Variants in CDKAL1 observed in about 807,000 individuals in gnomAD.
The protein encoded by CDKAL1 is threonylcarbamoyladenosine tRNA methylthiotransferase.
A neutral mutation model predicts 68.2 loss-of-function variants in CDKAL1; 32 were observed. The observed-to-expected ratio is 0.47, with a 90% CI of 0.35 to 0.63. CDKAL1 has a LOEUF of 0.63. Among genes scored for constraint, CDKAL1 ranks in the 30% least tolerant of loss-of-function variants. The pLI, the probability that CDKAL1 is intolerant of heterozygous loss-of-function variation, is 0.00. For missense variants in CDKAL1, 606 were observed against 696.7 expected (o/e 0.87, Z 1.47); for synonymous variants, 234 against 244.3 (o/e 0.96, Z 0.39).
intron 10 of CDKAL1, among the ~76,000 whole-genome samples, chr6:20,985,900 T>G (rs1376380194): frequency 6.6e-6 from 1 of 152,228 alleles, no homozygotes; most frequent in Non-Finnish European, 1.5e-5. Flanking sequence ...TTTTACCTTC[T>G]TTCTCATTTT....
At chr6:20,840,702 A>G (rs1581680544) in intron 8 of CDKAL1, among the ~76,000 whole-genome samples, 1 of 152,232 alleles carries the variant, frequency 6.6e-6, no homozygotes, top group Non-Finnish European at 1.5e-5. Flanking sequence ...CTTGACAAAC[A>G]GGTATTATGT....
chr6:21,122,618 T>A (rs1774779732), intron 13 of CDKAL1, among the ~76,000 whole-genome samples: 1 of 121,654 alleles, frequency 8.2e-6, no homozygotes, highest in Non-Finnish European at 1.7e-5. Context: ...TTTGTTACTG[T>A]ATTTTATTTA....
chr6:20,939,944 T>A (rs570897527), intron 9 of CDKAL1, among the ~76,000 whole-genome samples: 1 of 152,208 alleles, frequency 6.6e-6, no homozygotes, highest in African/African-American at 2.4e-5. Context: ...TAGAAGCAAT[T>A]TGTAGATAGA....
chr6:20,660,912 T>A (rs7774594), intron 5 of CDKAL1, among the ~76,000 whole-genome samples: 60,136 of 151,898 alleles, frequency 0.4, 13,034 homozygotes, highest in African/African-American at 0.58. Context: ...ACATTTGAGT[T>A]TCAAATTGTC....
chr6:20,671,932 T>C (rs1484641310), intron 5 of CDKAL1, among the ~76,000 whole-genome samples: 2 of 152,168 alleles, frequency 1.3e-5, no homozygotes, highest in East Asian at 3.9e-4. Flanking sequence ...ACTAAAAATT[T>C]AGTCTTTACC....
chr6:20,676,267 A>G (rs1770091380), intron 5 of CDKAL1, among the ~76,000 whole-genome samples: 1 of 152,116 alleles, frequency 6.6e-6, no homozygotes, highest in Non-Finnish European at 1.5e-5. Context: ...TTTTAGTGTT[A>G]TGTCCTAGGC....
intron 8 of CDKAL1, among the ~76,000 whole-genome samples, chr6:20,817,555 A>G (rs1433915780): frequency 6.6e-6 from 1 of 152,216 alleles, no homozygotes; most frequent in Non-Finnish European, 1.5e-5. Context: ...ATCATGTGCC[A>G]TGAACACAAT....
At position 20,649,414 on chromosome 6, in the gene CDKAL1, C is replaced by A; in HGVS notation, c.371+37C>A. 4.3e-6 allele frequency: 5 copies of A among 1,175,108 alleles called. No homozygotes were observed. In the South Asian group the frequency reaches 5.3e-5, roughly 13 times the overall value. 72.8% of individuals were successfully genotyped at this position (1,175,108 alleles called of 1,614,324 possible). A position where few individuals can be genotyped will look rare whatever the true frequency, so the allele number is the denominator to read the frequency against. ...TTGATTTTTTCCTATTTTGTATAAT[C>A]AAAGTAAGAATTGATACCAAAAGAT... On this transcript the variant is annotated intron_variant, in intron 5 of 15. Coordinates refer to ENST00000274695, the MANE Select transcript of CDKAL1 (RefSeq NM_017774.3).
intron 11 of CDKAL1, among the ~76,000 whole-genome samples, chr6:21,039,880 G>A (rs1466314748): frequency 1.3e-5 from 2 of 152,164 alleles, no homozygotes; most frequent in African/African-American, 4.8e-5. Context: ...ATGCATGACA[G>A]TTTTAATGTT....
At chr6:20,931,214 A>G (rs1359927574) in intron 9 of CDKAL1, among the ~76,000 whole-genome samples, 1 of 152,162 alleles carries the variant, frequency 6.6e-6, no homozygotes, top group Non-Finnish European at 1.5e-5. Flanking sequence ...ATTTAATGAT[A>G]TATATGCAAT....
At chr6:21,165,072 C>T (rs921143613) in intron 13 of CDKAL1, among the ~76,000 whole-genome samples, 2 of 152,254 alleles carry the variant, frequency 1.3e-5, no homozygotes, top group African/African-American at 4.8e-5. Flanking sequence ...GAATAAACTT[C>T]CTTCCTGGCC....
chr6:20,708,466 A>G (rs1490058586), intron 5 of CDKAL1, among the ~76,000 whole-genome samples: 1 of 152,200 alleles, frequency 6.6e-6, no homozygotes, highest in Non-Finnish European at 1.5e-5. Flanking sequence ...ATTTAGCTCA[A>G]CCCTGGAATG....
chr6:21,076,402 T>C (rs941862443), intron 12 of CDKAL1, among the ~76,000 whole-genome samples: 2 of 152,242 alleles, frequency 1.3e-5, no homozygotes, highest in African/African-American at 2.4e-5. Flanking sequence ...CATGTACATA[T>C]GTCCGAGAAA....
chr6:20,959,278 GA>G (rs1443233073), intron 10 of CDKAL1, among the ~76,000 whole-genome samples: 1 of 152,026 alleles, frequency 6.6e-6, no homozygotes, highest in East Asian at 1.9e-4. Flanking sequence ...TGATATAGCT[GA>G]CAAAAGATAT....
intron 4 of CDKAL1, among the ~76,000 whole-genome samples, chr6:20,605,214 A>G (rs1183989451): frequency 6.6e-6 from 1 of 152,230 alleles, no homozygotes; most frequent in Admixed American, 6.5e-5. Flanking sequence ...GTTAATAGAA[A>G]ATAATACCAG....
At chr6:20,975,796 G>T (rs1293252678) in intron 10 of CDKAL1, among the ~76,000 whole-genome samples, 1 of 152,138 alleles carries the variant, frequency 6.6e-6, no homozygotes, top group South Asian at 2.1e-4. Flanking sequence ...ATATCTAAGA[G>T]AATTTAATTT....
At chr6:20,977,295 C>T (rs879306316) in intron 10 of CDKAL1, among the ~76,000 whole-genome samples, 1 of 152,006 alleles carries the variant, frequency 6.6e-6, no homozygotes, top group African/African-American at 2.4e-5. Flanking sequence ...TATATGATAG[C>T]AGATTAAATA....
intron 4 of CDKAL1, among the ~76,000 whole-genome samples, chr6:20,637,424 G>T (rs62397574): frequency 1.3e-5 from 2 of 151,866 alleles, no homozygotes; most frequent in African/African-American, 4.8e-5. Context: ...TTAGCCGGGT[G>T]TGGTGGCGGG....
intron 10 of CDKAL1, among the ~76,000 whole-genome samples, chr6:20,958,992 C>T (rs983284570): frequency 3.3e-5 from 5 of 152,192 alleles, no homozygotes; most frequent in African/African-American, 1.2e-4. Flanking sequence ...AAAGATACAT[C>T]TATTGAGAAT....
Sources: gnomAD v4.1 joint callset for allele counts (sites outside exome capture counted in the v4.1 genomes callset) on GRCh38, gnomAD v4.1.1 for gene constraint, MANE v1.5 for transcripts, NCBI Gene and HGNC (gene_info 2026-07-23, HGNC 2026-07-21) for gene names.